Variants in EFHD1 observed in about 807,000 individuals in gnomAD.
EFHD1 encodes EF-hand domain-containing protein D1.
A neutral mutation model predicts 17.2 loss-of-function variants in EFHD1; 10 were observed. The observed-to-expected ratio is 0.58, with a 90% confidence interval of 0.36 to 0.99. EFHD1 has a LOEUF of 0.99. Ranked by LOEUF, EFHD1 falls within the 50% of genes least tolerant of loss-of-function variation. EFHD1 has a pLI of 0.01. For synonymous variants in EFHD1, 153 were observed against 142.0 expected (o/e 1.08, Z -0.55); for missense variants, 310 against 327.5 (o/e 0.95, Z 0.41).
intron 1 of EFHD1, among the ~76,000 whole-genome samples, chr2:232,634,275 A>T (rs895377856): frequency 6.6e-6 from 1 of 150,474 alleles, no homozygotes; most frequent in African/African-American, 2.4e-5. Context: ...AGGTCCCCCA[A>T]CCCCGACCAC....
intron 1 of EFHD1, among the ~76,000 whole-genome samples, chr2:232,647,108 C>T (rs1339676035): frequency 6.6e-6 from 1 of 152,268 alleles, no homozygotes; most frequent in Non-Finnish European, 1.5e-5. Flanking sequence ...ACCACCTTCT[C>T]AGGTTGTGCA....
intron 1 of EFHD1, among the ~76,000 whole-genome samples, chr2:232,610,332 C>T (rs1333000907): frequency 6.6e-6 from 1 of 152,190 alleles, no homozygotes; most frequent in Non-Finnish European, 1.5e-5. Context: ...GGCAGGTGAG[C>T]TCCTCCAGCC....
intron 1 of EFHD1, among the ~76,000 whole-genome samples, chr2:232,648,272 CTA>C (rs1694570506): frequency 1.3e-5 from 2 of 152,028 alleles, no homozygotes; most frequent in African/African-American, 4.8e-5. Flanking sequence ...ACAAAAGTGG[CTA>C]TGAGTGGTTT....
intron 1 of EFHD1, among the ~76,000 whole-genome samples, chr2:232,617,527 G>A (rs1333326372): frequency 1.1e-4 from 16 of 151,794 alleles, no homozygotes; most frequent in East Asian, 7.8e-4. Flanking sequence ...GGTGGTGGGC[G>A]CCTGTAGTCC....
In EFHD1 at chr2:232,672,302, C is replaced by T. The variant is rs749259170; in HGVS notation, c.451-7C>T. 3.1e-6 allele frequency: 5 copies of T among 1,614,120 alleles called. No individual in the cohort carries two copies. Among genetic ancestry groups the T allele is most frequent in the Non-Finnish European group, 4.2e-6 (5 of 1,180,032 alleles). The stretch of plus-strand genomic sequence containing the variant: ...GACTCTGGTTCCCTACTTTCTTTCC[C>T]CTGTAGTTCCTGCTCATTTTCCACA... On this transcript the variant is annotated splice_polypyrimidine_tract_variant and splice_region_variant and intron_variant, in intron 2 of 3. Transcript: ENST00000264059.
chr2:232,614,290 G>T (rs1693878718), intron 1 of EFHD1, among the ~76,000 whole-genome samples: 1 of 151,912 alleles, frequency 6.6e-6, no homozygotes, highest in South Asian at 2.1e-4. Context: ...CAGTAAAAGT[G>T]ACCCTGAGTG....
intron 1 of EFHD1, among the ~76,000 whole-genome samples, chr2:232,637,914 C>G (rs1433145017): frequency 6.6e-6 from 1 of 152,130 alleles, no homozygotes; most frequent in Non-Finnish European, 1.5e-5. Context: ...TTGTTGGGTG[C>G]TTGGAGTGGT....
In EFHD1 at chr2:232,682,395, A is replaced by T. The variant is rs1208663270; in HGVS notation, c.*676A>T. Reference sequence around the variant, plus strand: ...TGCTCCGTCTATGTCTTCCCAGCTCAGCCTTTTCCCCACTCTTAAATACTG... The same window carrying T: ...TGCTCCGTCTATGTCTTCCCAGCTCTGCCTTTTCCCCACTCTTAAATACTG... On this transcript the variant is annotated 3_prime_UTR_variant, in exon 4 of 4. Transcript: ENST00000264059. 1 of 152,442 alleles carries T rather than the reference A, an allele frequency of 6.6e-6. No homozygotes were observed. Among genetic ancestry groups the T allele is most frequent in the African/African-American group, 2.4e-5 (1 of 41,436 alleles). The allele number at this position is 152,442 out of a possible 1,614,324, so 9.4% of individuals were successfully genotyped here. A position where few individuals can be genotyped will look rare whatever the true frequency, so the allele number is the denominator to read the frequency against.
intron 1 of EFHD1, among the ~76,000 whole-genome samples, chr2:232,607,919 C>T (rs150140152): frequency 0.021 from 2,975 of 141,192 alleles, 103 homozygotes; most frequent in African/African-American, 0.078. Flanking sequence ...CACAGCAAGA[C>T]CCTGTCTCTA....
intron 3 of EFHD1, among the ~76,000 whole-genome samples, chr2:232,675,587 G>A (rs543775016): frequency 6.6e-6 from 1 of 152,256 alleles, no homozygotes; most frequent in East Asian, 1.9e-4. Context: ...ACATGATTCC[G>A]ATGCACAGCC....
At chr2:232,680,273 TAA>T (rs532500309) in intron 3 of EFHD1, among the ~76,000 whole-genome samples, 3 of 143,176 alleles carry the variant, frequency 2.1e-5, no homozygotes, top group African/African-American at 7.6e-5. Flanking sequence ...AGACTCTGTC[TAA>T]AAAAAAAAAA....
At chr2:232,661,465 G>A (rs933074075) in intron 1 of EFHD1, among the ~76,000 whole-genome samples, 38 of 151,938 alleles carry the variant, frequency 2.5e-4, no homozygotes, top group Non-Finnish European at 4.1e-4. Flanking sequence ...AGGTTCACCC[G>A]TGTATAAGCC....
chr2:232,613,895 AAC>A (rs146430990), intron 1 of EFHD1, among the ~76,000 whole-genome samples: 5 of 151,062 alleles, frequency 3.3e-5, no homozygotes, highest in South Asian at 2.1e-4. Flanking sequence ...TACACACACA[AAC>A]ACATACAAAT....
intron 3 of EFHD1, among the ~76,000 whole-genome samples, chr2:232,680,556 A>G (rs1229418058): frequency 1.3e-5 from 2 of 152,108 alleles, no homozygotes; most frequent in East Asian, 3.9e-4. Context: ...TATTTTTAAA[A>G]ATTATTATTA....
At chr2:232,618,005 T>A (rs1201051113) in intron 1 of EFHD1, among the ~76,000 whole-genome samples, 2 of 151,112 alleles carry the variant, frequency 1.3e-5, no homozygotes, top group Non-Finnish European at 3.0e-5. Context: ...AAAAGATAAA[T>A]AAACCAATTT....
intron 1 of EFHD1, among the ~76,000 whole-genome samples, chr2:232,649,271 C>T (rs1009316511): frequency 1.3e-5 from 2 of 152,200 alleles, no homozygotes; most frequent in Non-Finnish European, 2.9e-5. Flanking sequence ...TGGGGGCTTT[C>T]CCAGGCAGTG....
chr2:232,650,493 C>G (rs1694626058), intron 1 of EFHD1, among the ~76,000 whole-genome samples: 1 of 142,742 alleles, frequency 7.0e-6, no homozygotes, highest in Admixed American at 7.3e-5. Context: ...AGGGTTTCAC[C>G]ATGTTGGCCA....
chr2:232,671,223 C>A (rs1695062848), intron 2 of EFHD1, among the ~76,000 whole-genome samples: 1 of 151,782 alleles, frequency 6.6e-6, no homozygotes. Flanking sequence ...TCACTTGAGA[C>A]CAGGAGTTTG....
upstream of EFHD1, chr2:232,633,366 T>C: frequency 1.2e-6 from 1 of 840,778 alleles, no homozygotes; most frequent in Non-Finnish European, 1.5e-6. Flanking sequence ...TCGGAGTTGA[T>C]CCGAGGGTCC....
Sources: allele counts gnomAD v4.1 joint callset (sites outside exome capture counted in the v4.1 genomes callset), GRCh38; gene constraint gnomAD v4.1.1; transcripts MANE v1.5; gene names NCBI Gene and HGNC (gene_info 2026-07-23, HGNC 2026-07-21).